Variants in DNAAF9 observed in about 807,000 individuals in gnomAD.
DNAAF9 encodes dynein axonemal assembly factor 9, also known as shulin.
A neutral mutation model predicts 167.0 loss-of-function variants in DNAAF9; 90 were observed. That is an observed-to-expected ratio of 0.54 (90% CI 0.45 to 0.64). The LOEUF is 0.64. DNAAF9 is among the 30% of genes least tolerant of loss of function. The probability of loss-of-function intolerance (pLI) is 0.00; values close to 1 mark genes in which losing one functional copy is unlikely to be tolerated. For synonymous variants in DNAAF9, 491 were observed against 508.8 expected (o/e 0.96, Z 0.47); for missense variants, 1,315 against 1,442.2 (o/e 0.91, Z 1.43).
chr20:3,261,019 T>C (rs1241359424), intron 31 of DNAAF9, among the ~76,000 whole-genome samples: 1 of 152,068 alleles, frequency 6.6e-6, no homozygotes, highest in African/African-American at 2.4e-5. Context: ...TGTGTACACC[T>C]GTCACAGAAG....
At chr20:3,287,484 A>G (rs934146723) in intron 27 of DNAAF9, 148 bp downstream of exon 27, 3 of 759,950 alleles carry the variant, frequency 3.9e-6, no homozygotes, top group Non-Finnish European at 6.8e-6. Flanking sequence ...CAATAGGGTC[A>G]TTGCTCGCTT....
intron 36 of DNAAF9, 36 bp downstream of exon 36, chr20:3,253,690 G>T (rs756565188): frequency 9.4e-6 from 12 of 1,270,960 alleles, no homozygotes; most frequent in African/African-American, 1.5e-5. Flanking sequence ...CTCACTGCCC[G>T]GGTTCCACAC....
intron 12 of DNAAF9, among the ~76,000 whole-genome samples, chr20:3,329,913 C>G (rs1303667872): frequency 6.6e-6 from 1 of 152,210 alleles, no homozygotes; most frequent in Non-Finnish European, 1.5e-5. Context: ...TGAGGTTGCA[C>G]AGCCAGTGTT....
At chr20:3,359,077 G>C (rs1379630117) in intron 7 of DNAAF9, among the ~76,000 whole-genome samples, 1 of 152,088 alleles carries the variant, frequency 6.6e-6, no homozygotes, top group East Asian at 1.9e-4. Flanking sequence ...AGACCATAAG[G>C]CACACAAAGG....
intron 12 of DNAAF9, among the ~76,000 whole-genome samples, chr20:3,328,260 C>A (rs1204053949): frequency 1.3e-5 from 2 of 149,628 alleles, no homozygotes; most frequent in South Asian, 2.1e-4. Flanking sequence ...CAGCTCACTG[C>A]AACCTCTGCC....
chr20:3,267,386 G>A (rs1443427945), intron 30 of DNAAF9, among the ~76,000 whole-genome samples: 3 of 152,052 alleles, frequency 2.0e-5, no homozygotes, highest in African/African-American at 7.3e-5. Flanking sequence ...CCTTGACCTA[G>A]GCATGCAGTC....
chr20:3,298,407 T>C (rs2069121296), intron 21 of DNAAF9, among the ~76,000 whole-genome samples: 1 of 152,202 alleles, frequency 6.6e-6, no homozygotes, highest in African/African-American at 2.4e-5. Context: ...GATGGCTCAC[T>C]GCAGCCATCA....
chr20:3,330,772 G>A (rs2069811500), intron 11 of DNAAF9, 90 bp from the exon 12 acceptor site: 5 of 740,216 alleles, frequency 6.8e-6, no homozygotes, highest in Non-Finnish European at 1.1e-5. Context: ...TTACCTGGAA[G>A]GCATTGTCAA....
At position 3,368,544 on chromosome 20, in the gene DNAAF9, G is replaced by A. The variant is rs184485684; in HGVS notation, c.612+5504C>T. ...TTTTTTTTTTTTGAGACAGAGTCTT[G>A]CTCTTTCGCCCAGGCTGGAGTGCAG... On this transcript the variant is annotated intron_variant, in intron 6 of 36. Coordinates refer to ENST00000252032, the MANE Select transcript of DNAAF9 (RefSeq NM_001009984.3). Among the ~76,000 whole-genome samples the A allele has an allele frequency of 1.5e-3, 202 of 134,822 alleles. 1 individual carries two copies. The highest frequency in any genetic ancestry group is 8.2e-3 in the East Asian group (35 of 4,290). 88.4% of individuals were successfully genotyped at this position (134,822 alleles called of 152,430 possible).
chr20:3,354,006 A>C (rs1205736417), intron 7 of DNAAF9, among the ~76,000 whole-genome samples: 2 of 152,192 alleles, frequency 1.3e-5, no homozygotes, highest in East Asian at 3.9e-4. Context: ...AATGACTCTT[A>C]TTAAAAATCA....
chr20:3,351,348 G>A (rs1316053326), intron 7 of DNAAF9, among the ~76,000 whole-genome samples: 1 of 152,182 alleles, frequency 6.6e-6, no homozygotes, highest in African/African-American at 2.4e-5. Context: ...GCCAGCCATA[G>A]TGGCATGCAC....
chr20:3,407,620 G>T lies in DNAAF9; in HGVS notation c.-63C>A, dbSNP rs1432421579. 33 of 1,197,292 alleles carry T rather than the reference G, an allele frequency of 2.8e-5. No homozygotes were observed. The highest frequency in any genetic ancestry group is 3.2e-5 in the Non-Finnish European group (31 of 965,772). 74.2% of individuals were successfully genotyped at this position (1,197,292 alleles called of 1,614,324 possible). A position where few individuals can be genotyped will look rare whatever the true frequency, so the allele number is the denominator to read the frequency against. On this transcript the variant is annotated 5_prime_UTR_variant, in exon 1 of 37. Coordinates refer to ENST00000252032, the MANE Select transcript of DNAAF9 (RefSeq NM_001009984.3). ...CTGCGAGGGTCTCAGTTGCCCGCAG[G>T]GCGGCTCCACGCTAGCTGCGGCCGG... is the stretch of plus-strand genomic sequence containing the variant.
intron 31 of DNAAF9, among the ~76,000 whole-genome samples, chr20:3,261,429 C>T (rs2068385178): frequency 6.6e-6 from 1 of 151,880 alleles, no homozygotes; most frequent in Non-Finnish European, 1.5e-5. Flanking sequence ...AGCGCAGTGG[C>T]ACGATCTCGG....
intron 31 of DNAAF9, among the ~76,000 whole-genome samples, chr20:3,262,168 C>A (rs1010361229): frequency 6.6e-6 from 1 of 151,868 alleles, no homozygotes; most frequent in Non-Finnish European, 1.5e-5. Context: ...TAGGAGGGGG[C>A]CTGAAAGAGA....
intron 31 of DNAAF9, among the ~76,000 whole-genome samples, chr20:3,260,325 G>A (rs1266738774): frequency 3.3e-5 from 5 of 151,976 alleles, no homozygotes; most frequent in Non-Finnish European, 5.9e-5. Flanking sequence ...CGGCCTGGGC[G>A]ACAGAGCAAG....
In DNAAF9 at chr20:3,278,908, T is replaced by C; in HGVS notation, c.2650+4A>G. 6.3e-7 allele frequency: 1 copy of C among 1,591,780 alleles called. No individual in the cohort carries two copies. Among genetic ancestry groups the C allele is most frequent in the Non-Finnish European group, 8.6e-7 (1 of 1,159,722 alleles). On this transcript the variant is annotated splice_donor_region_variant and intron_variant, in intron 29 of 36. Coordinates refer to ENST00000252032, the MANE Select transcript of DNAAF9 (RefSeq NM_001009984.3). ...GCAGGCTGAAAATAAAGTATATTAC[T>C]TACCTTGTGAACACTGGTCAAGACA... is the stretch of plus-strand genomic sequence containing the variant.
At chr20:3,260,091 G>A (rs543153576) in intron 31 of DNAAF9, 63 bp from the exon 32 acceptor site, 15 of 896,420 alleles carry the variant, frequency 1.7e-5, no homozygotes, top group Non-Finnish European at 2.6e-5. Flanking sequence ...TGTAATCCCA[G>A]CACTCTGGGA....
intron 34 of DNAAF9, 34 bp from the exon 35 acceptor site, chr20:3,255,318 G>C: frequency 7.1e-7 from 1 of 1,407,604 alleles, no homozygotes; most frequent in Non-Finnish European, 9.8e-7. Context: ...TCAGGTCCCA[G>C]CAGAACTCAT....
rs1486417273 is a variant in DNAAF9 at position 3,391,376 on chromosome 20, C to G, written c.84-8870G>C. Among the ~76,000 whole-genome samples, 3 of 151,970 alleles carry G rather than the reference C, an allele frequency of 2.0e-5. No individual in the cohort carries two copies. The South Asian group carries it at 6.2e-4, about 31-fold the overall frequency. On this transcript the variant is annotated intron_variant, in intron 1 of 36. Coordinates refer to ENST00000252032, the MANE Select transcript of DNAAF9 (RefSeq NM_001009984.3). ...CACAATGACCCACACTCCCAGCAGC[C>G]GGAATTAACCACTGTTAATATTTTG...
Sources: allele counts gnomAD v4.1 joint callset (sites outside exome capture counted in the v4.1 genomes callset), GRCh38; gene constraint gnomAD v4.1.1; transcripts MANE v1.5; gene names NCBI Gene and HGNC (gene_info 2026-07-23, HGNC 2026-07-21).